The following TENM4 variants were observed in gnomAD, a reference collection of about 807,000 sequenced individuals.
TENM4 encodes teneurin-4.
Under a neutral mutation model 243.3 loss-of-function variants are expected in TENM4, and 82 were observed. The ratio of observed to expected loss-of-function variants is 0.34; its 90% CI spans 0.28 to 0.40. TENM4 has a LOEUF of 0.40. Among genes scored for constraint, TENM4 ranks in the 10% least tolerant of loss-of-function variants. The pLI, the probability that TENM4 is intolerant of heterozygous loss-of-function variation, is 1.00. For missense variants in TENM4, 3,138 were observed against 3,673.3 expected, an observed-to-expected ratio of 0.85 and a Z score of 3.77; for synonymous variants, 1,412 against 1,456.3, an observed-to-expected ratio of 0.97 and a Z score of 0.69.
chr11:79,203,953 G>T (rs1863796990), intron 3 of TENM4, among the ~76,000 whole-genome samples: 1 of 152,202 alleles, frequency 6.6e-6, no homozygotes, highest in Admixed American at 6.5e-5. Context: ...AACACGCTAA[G>T]TGAAAGAAGC....
intron 5 of TENM4, 84 bp downstream of exon 5, chr11:79,069,638 C>T: frequency 6.9e-7 from 1 of 1,457,828 alleles, no homozygotes; most frequent in Non-Finnish European, 9.1e-7. Context: ...GCCACGCCCA[C>T]CTGCGCCACG....
chr11:78,737,121 A>G (rs1479318534), intron 20 of TENM4, among the ~76,000 whole-genome samples: 3 of 152,240 alleles, frequency 2.0e-5, no homozygotes, highest in Admixed American at 2.0e-4. Context: ...TCAGTCCTGA[A>G]AGACTCCTTT....
chr11:78,903,264 G>A lies in TENM4; in HGVS notation c.749+4C>T, dbSNP rs1322498411. 4.7e-6 allele frequency: 7 copies of A among 1,488,710 alleles called. No homozygotes were observed. The highest frequency in any genetic ancestry group is 6.2e-6 in the Non-Finnish European group (7 of 1,124,598). The allele number at this position is 1,488,710 out of a possible 1,614,324, so 92.2% of individuals were successfully genotyped here. The stretch of plus-strand genomic sequence containing the variant: ...CAGCCTCACCCTCCCTACCGGCCGC[G>A]CACCTGGTCTCCAGGGGGATGTTGC... On this transcript the variant is annotated splice_donor_region_variant and intron_variant, in intron 7 of 33. Transcript: ENST00000278550.
Position 78,702,203 on chromosome 11 carries a change from G to A in TENM4, c.4410C>T (p.Ala1470=). Residue 1470 remains alanine, a synonymous_variant, in exon 28 of 34, where the codon GCC becomes GCT. Transcript: ENST00000278550. The stretch of plus-strand genomic sequence containing the variant: ...CATTGTGTGAAACAGCCAAAGCGGT[G>A]GCTGACTCCAGGGTTGCGTGGATGG... The part of the protein sequence containing the change: ...KVAIHATLES[A]TALAVSHNGV... 3 of 1,614,050 alleles carry A rather than the reference G, an allele frequency of 1.9e-6. No individual in the cohort carries two copies. The highest frequency in any genetic ancestry group is 2.5e-6 in the Non-Finnish European group (3 of 1,179,906).
rs1002262818 is a variant in TENM4 at position 79,195,025 on chromosome 11, C to T, written c.-163+20783G>A. Among the ~76,000 whole-genome samples the T allele has an allele frequency of 1.3e-5, 2 of 152,300 alleles. 1 individual carries two copies. The highest frequency in any genetic ancestry group is 4.1e-4 in the South Asian group (2 of 4,824). ...CTGTGTCCCAGCCACTCCAGCCATG[C>T]CTGAAAGGGGCCAACATAGAGTTCA... On this transcript the variant is annotated intron_variant, in intron 3 of 33. Coordinates refer to ENST00000278550, the MANE Select transcript of TENM4 (RefSeq NM_001098816.3).
At chr11:79,333,457 T>C (rs994685942) in intron 1 of TENM4, among the ~76,000 whole-genome samples, 7 of 152,242 alleles carry the variant, frequency 4.6e-5, no homozygotes, top group African/African-American at 1.7e-4. Flanking sequence ...TGAACATGTG[T>C]CAACATCCCT....
chr11:79,245,883 T>C (rs1349299495), intron 2 of TENM4, among the ~76,000 whole-genome samples: 1 of 136,470 alleles, frequency 7.3e-6, no homozygotes, highest in Non-Finnish European at 1.5e-5. Flanking sequence ...GAGTTTGCAG[T>C]GAGCTGAGAT....
chr11:78,695,078 ACT>A (rs1232681123), intron 28 of TENM4, among the ~76,000 whole-genome samples: 1 of 151,888 alleles, frequency 6.6e-6, no homozygotes, highest in African/African-American at 2.4e-5. Flanking sequence ...ACAGGATCTC[ACT>A]CTGTTGCCCA....
At chr11:78,927,540 G>T (rs1856578225) in intron 6 of TENM4, among the ~76,000 whole-genome samples, 1 of 152,164 alleles carries the variant, frequency 6.6e-6, no homozygotes. Context: ...GGCTAACAGA[G>T]GCTTTTCTTA....
chr11:79,080,841 T>A lies in TENM4; in HGVS notation c.-65-10832A>T, dbSNP rs185320847. 1.3e-3 allele frequency among the ~76,000 whole-genome samples: 192 copies of A among 152,348 alleles called. 1 individual carries two copies. The highest frequency in any genetic ancestry group is 4.4e-3 in the African/African-American group (182 of 41,578). Reference sequence around the variant, plus strand: ...TCAAGGGTCAGGCCTGAAACCCAGTTTATTGGATTGCCAATTCTCTGTAAA... The same window carrying A: ...TCAAGGGTCAGGCCTGAAACCCAGTATATTGGATTGCCAATTCTCTGTAAA... On this transcript the variant is annotated intron_variant, in intron 4 of 33. Coordinates refer to ENST00000278550, the MANE Select transcript of TENM4 (RefSeq NM_001098816.3).
chr11:79,234,171 G>A (rs1011311), intron 2 of TENM4, among the ~76,000 whole-genome samples: 11,270 of 152,240 alleles, frequency 0.074, 540 homozygotes, highest in East Asian at 0.18. Flanking sequence ...ATTGAAATAA[G>A]CTTGCATATG....
rs1347786792 is a variant in TENM4, at chr11:78,756,965, T to C, written c.2596A>G (p.Asn866Asp). ...TTAGGGGAGCCAAGGCACAGCGGGT[T>C]GATATGGCACAGGGGCTGGAGGCAG... ...DCCLQPLCHI[N>D]PLCLGSPNPL... Residue 866 changes from asparagine (N) to aspartate (D), a missense_variant, in exon 19 of 34, where the codon AAC becomes GAC. Around this residue, in one of 2 missense-constraint regions of TENM4, gnomAD observed 2,467 missense variants for 3,059.1 expected, o/e 0.81. Transcript: ENST00000278550. 2 of 1,613,984 alleles carry C rather than the reference T, an allele frequency of 1.2e-6. No individual in the cohort carries two copies. Among genetic ancestry groups the C allele is most frequent in the Non-Finnish European group, 1.7e-6 (2 of 1,179,888 alleles).
chr11:78,695,408 A>C (rs570256410), intron 28 of TENM4, among the ~76,000 whole-genome samples: 32 of 152,176 alleles, frequency 2.1e-4, no homozygotes, highest in Non-Finnish European at 3.7e-4. Context: ...CTTGCTGCCC[A>C]GGCTGGAGTG....
chr11:78,665,682 T>A (rs1386866896), intron 32 of TENM4, among the ~76,000 whole-genome samples: 4 of 152,232 alleles, frequency 2.6e-5, no homozygotes, highest in African/African-American at 9.6e-5. Flanking sequence ...CACTTCTTAG[T>A]GGGCCAGTTA....
chr11:79,023,847 C>G (rs951809095), intron 6 of TENM4, among the ~76,000 whole-genome samples: 1 of 152,162 alleles, frequency 6.6e-6, no homozygotes, highest in African/African-American at 2.4e-5. Flanking sequence ...TACTCACTAC[C>G]TGGCTATTCC....
At chr11:79,100,799 T>A (rs1371513680) in intron 4 of TENM4, among the ~76,000 whole-genome samples, 1 of 152,138 alleles carries the variant, frequency 6.6e-6, no homozygotes, top group Non-Finnish European at 1.5e-5. Context: ...CTCCTCCCAA[T>A]GTGTTTTCAA....
chr11:79,143,948 G>C (rs1460099560), intron 4 of TENM4, among the ~76,000 whole-genome samples: 1 of 151,730 alleles, frequency 6.6e-6, no homozygotes, highest in Non-Finnish European at 1.5e-5. Context: ...TAGATAAATT[G>C]GATCACATCA....
intron 6 of TENM4, among the ~76,000 whole-genome samples, chr11:79,012,386 T>C (rs1307992693): frequency 6.6e-6 from 1 of 152,104 alleles, no homozygotes; most frequent in Non-Finnish European, 1.5e-5. Context: ...TGGAAAAGCT[T>C]GAAAGATGGG....
intron 1 of TENM4, among the ~76,000 whole-genome samples, chr11:79,401,412 T>G (rs1858459453): frequency 6.6e-6 from 1 of 152,194 alleles, no homozygotes; most frequent in South Asian, 2.1e-4. Flanking sequence ...TCAGACTCTT[T>G]GAGATGCAAA....
Sources: allele counts gnomAD v4.1 joint callset (sites outside exome capture counted in the v4.1 genomes callset), GRCh38; gene constraint gnomAD v4.1.1; regional missense constraint gnomAD v4.1.1; transcripts MANE v1.5; gene names NCBI Gene and HGNC (gene_info 2026-07-23, HGNC 2026-07-21).